The following SHTN1 variants were observed in gnomAD, a reference collection of about 807,000 sequenced individuals.
The protein encoded by SHTN1 is shootin 1, also known as shootin-1.
A neutral mutation model predicts 83.1 loss-of-function variants in SHTN1; 42 were observed. The observed-to-expected ratio is 0.51, with a 90% CI of 0.39 to 0.65. The LOEUF (loss-of-function observed/expected upper bound fraction) is 0.65, where lower values mean the gene tolerates loss of function less well. Among genes scored for constraint, SHTN1 ranks in the 30% least tolerant of loss-of-function variants. The pLI is 0.00. For missense variants in SHTN1, 622 were observed against 737.8 expected (o/e 0.84, Z 1.82); for synonymous variants, 224 against 247.7 (o/e 0.90, Z 0.90).
chr10:117,015,252 T>C (rs931376389), intron 2 of SHTN1, among the ~76,000 whole-genome samples: 1 of 152,238 alleles, frequency 6.6e-6, no homozygotes. Flanking sequence ...CTTTCCCAGC[T>C]GGACTCTGGC....
chr10:116,885,470 C>T lies in SHTN1; in HGVS notation c.*874G>A, dbSNP rs1480899445. 2 of 152,328 alleles carry T rather than the reference C, an allele frequency of 1.3e-5. No individual in the cohort carries two copies. The highest frequency in any genetic ancestry group is 2.4e-5 in the African/African-American group (1 of 41,360). The allele number at this position is 152,328 out of a possible 1,614,324, so 9.4% of individuals were successfully genotyped here. A position where few individuals can be genotyped will look rare whatever the true frequency, so the allele number is the denominator to read the frequency against. On this transcript the variant is annotated 3_prime_UTR_variant, in exon 17 of 17. Transcript: ENST00000355371. Reference sequence around the variant, plus strand: ...CTTTTTTAAAAAAAACAACAACAAACCTGTGTAATATAGAACAGCAGTGAA... The same window carrying T: ...CTTTTTTAAAAAAAACAACAACAAATCTGTGTAATATAGAACAGCAGTGAA...
At chr10:117,052,191 G>A (rs939163905) in intron 1 of SHTN1, among the ~76,000 whole-genome samples, 1 of 150,820 alleles carries the variant, frequency 6.6e-6, no homozygotes, top group Admixed American at 6.6e-5. Flanking sequence ...GCATCAAAAG[G>A]ATCAAAATAC....
In SHTN1 at chr10:117,017,309, G is replaced by GT. The variant is rs1429766044; in HGVS notation, c.-123+31135dup. On this transcript the variant is annotated intron_variant, in intron 2 of 17. Transcript: ENST00000392901. ...GATCGAGACCATCCTGGCTAACACG[G>GT]TGAAACCCCATCTCTACTAAAAATA... is the stretch of plus-strand genomic sequence containing the variant. Among the ~76,000 whole-genome samples the GT allele has an allele frequency of 8.5e-5, 13 of 152,106 alleles. No homozygotes were observed. The East Asian group carries it at 2.5e-3, about 29-fold the overall frequency.
At chr10:117,065,645 G>C (rs1852965955) in intron 1 of SHTN1, among the ~76,000 whole-genome samples, 2 of 149,582 alleles carry the variant, frequency 1.3e-5, no homozygotes, top group Non-Finnish European at 1.5e-5. Context: ...TTGAACCTAA[G>C]AGATGAAGGT....
At chr10:117,106,841 TG>T (rs1853677473) in intron 1 of SHTN1, among the ~76,000 whole-genome samples, 1 of 152,200 alleles carries the variant, frequency 6.6e-6, no homozygotes, top group Admixed American at 6.5e-5. Flanking sequence ...CACAAGATAG[TG>T]GGTGCCTATC....
In SHTN1 at chr10:116,921,495, C is replaced by T; in HGVS notation, c.1134G>A (p.Arg378=). 1 of 1,613,544 alleles carries T rather than the reference C, an allele frequency of 6.2e-7. No individual in the cohort carries two copies. Among genetic ancestry groups the T allele is most frequent in the South Asian group, 1.1e-5 (1 of 90,970 alleles). Reference sequence around the variant, plus strand: ...CACTGCCACTGGGGTGGGATCGTTTCCGGATCATGGACATGAGGGATCTTT... The same window carrying T: ...CACTGCCACTGGGGTGGGATCGTTTTCGGATCATGGACATGAGGGATCTTT... The part of the protein sequence containing the change: ...NPIRSLMSMI[R]KRSHPSGSGA... The change falls in exon 12 of 17, where the codon CGG becomes CGA. Residue 378 remains arginine (R), a synonymous_variant. Coordinates refer to ENST00000355371, the MANE Select transcript of SHTN1 (RefSeq NM_001127211.3).
At chr10:116,922,859 T>C (rs909656011) in intron 11 of SHTN1, among the ~76,000 whole-genome samples, 3 of 151,580 alleles carry the variant, frequency 2.0e-5, no homozygotes, top group Non-Finnish European at 4.4e-5. Flanking sequence ...CCCAGCTACT[T>C]GGGAAGCTGA....
Position 117,005,145 on chromosome 10 carries a change from G to A in SHTN1, c.-66C>T, listed in dbSNP as rs1851969670. 27 of 1,553,874 alleles carry A rather than the reference G, an allele frequency of 1.7e-5. No homozygotes were observed. The highest frequency in any genetic ancestry group is 2.4e-5 in the East Asian group (1 of 41,852). On this transcript the variant is annotated 5_prime_UTR_variant, in exon 1 of 17. Coordinates refer to ENST00000355371, the MANE Select transcript of SHTN1 (RefSeq NM_001127211.3). ...GGCGCGGGGCACACAGGAGGAGGGG[G>A]AAGAAAAAGCAAGATGCCGGTGGCT...
At chr10:117,096,332 T>A (rs1336917601) in intron 1 of SHTN1, among the ~76,000 whole-genome samples, 3 of 152,224 alleles carry the variant, frequency 2.0e-5, no homozygotes, top group African/African-American at 7.2e-5. Context: ...GGTACCCATA[T>A]GATAGATTTC....
chr10:117,077,898 A>G (rs1218205960), intron 1 of SHTN1, among the ~76,000 whole-genome samples: 2 of 152,162 alleles, frequency 1.3e-5, no homozygotes, highest in East Asian at 3.8e-4. Context: ...TGCCCCAAAT[A>G]AATCAGCAGT....
chr10:117,095,034 A>G (rs1301867315), intron 1 of SHTN1, among the ~76,000 whole-genome samples: 2 of 152,194 alleles, frequency 1.3e-5, no homozygotes, highest in Non-Finnish European at 2.9e-5. Context: ...TACAAGCAAG[A>G]AGGCTCATTG....
intron 1 of SHTN1, among the ~76,000 whole-genome samples, chr10:116,986,382 A>G (rs1851218282): frequency 6.6e-6 from 1 of 152,178 alleles, no homozygotes; most frequent in Non-Finnish European, 1.5e-5. Context: ...CTCCTTGGGA[A>G]CCGGTACCTG....
In SHTN1 at chr10:117,029,800, A is replaced by G. The variant is rs189782140; in HGVS notation, c.-123+18645T>C. Among the ~76,000 whole-genome samples the G allele has an allele frequency of 5.9e-5, 9 of 151,786 alleles. No individual in the cohort carries two copies. The East Asian group carries it at 1.5e-3, about 26-fold the overall frequency. On this transcript the variant is annotated intron_variant, in intron 2 of 17. Coordinates refer to the SHTN1 transcript ENST00000392901. ...CAGATACCAGCATCATGCTTCCTGTATAGCCTGTGATACCATGAGCCAGTT... is the reference window on the plus strand; with the variant it reads ...CAGATACCAGCATCATGCTTCCTGTGTAGCCTGTGATACCATGAGCCAGTT...
chr10:117,086,639 T>C (rs1472986892), intron 1 of SHTN1, among the ~76,000 whole-genome samples: 1 of 152,178 alleles, frequency 6.6e-6, no homozygotes, highest in Non-Finnish European at 1.5e-5. Flanking sequence ...ACTGGAACCC[T>C]CATACAGTGC....
intron 2 of SHTN1, among the ~76,000 whole-genome samples, chr10:117,033,222 A>C (rs1852445997): frequency 6.6e-6 from 1 of 152,168 alleles, no homozygotes; most frequent in Non-Finnish European, 1.5e-5. Flanking sequence ...GAAATGAAAA[A>C]AATACAAAAG....
At chr10:116,890,730 C>A (rs982328519) in intron 16 of SHTN1, among the ~76,000 whole-genome samples, 1 of 152,218 alleles carries the variant, frequency 6.6e-6, no homozygotes, top group Admixed American at 6.5e-5. Context: ...AGAGCCCAAA[C>A]GTGGGGCCTG....
chr10:117,091,438 C>T (rs962835097), intron 1 of SHTN1, among the ~76,000 whole-genome samples: 4 of 152,176 alleles, frequency 2.6e-5, no homozygotes, highest in Non-Finnish European at 5.9e-5. Context: ...ACAGACATGA[C>T]CTTTCCCCAT....
chr10:117,090,811 AAGGAAGGAAAGGAG>A (rs1853420721), intron 1 of SHTN1, among the ~76,000 whole-genome samples: 1 of 63,982 alleles, frequency 1.6e-5, no homozygotes, highest in Admixed American at 1.5e-4. Flanking sequence ...GGAAGGAAGG[AAGGAAGGAAAGGAG>A]GGAGGGAGGG....
chr10:117,027,174 T>C (rs1028721332), intron 2 of SHTN1, among the ~76,000 whole-genome samples: 5 of 132,708 alleles, frequency 3.8e-5, no homozygotes, highest in Admixed American at 1.6e-4. Flanking sequence ...TAATGTTCAG[T>C]TGGAATCCCC....
Sources: allele counts gnomAD v4.1 joint callset (sites outside exome capture counted in the v4.1 genomes callset), GRCh38; gene constraint gnomAD v4.1.1; transcripts MANE v1.5; gene names NCBI Gene and HGNC (gene_info 2026-07-23, HGNC 2026-07-21).